Variants in EVL observed in about 807,000 individuals in gnomAD.
EVL encodes Enah/Vasp-like, also known as ena/VASP-like protein.
In EVL, 21 loss-of-function variants were observed where a neutral mutation model predicts 59.6. The observed-to-expected ratio is 0.35, with a 90% confidence interval of 0.25 to 0.51. The LOEUF (loss-of-function observed/expected upper bound fraction) is 0.51, where lower values mean the gene tolerates loss of function less well. Among genes scored for constraint, EVL ranks in the 20% least tolerant of loss-of-function variants. EVL has a pLI of 0.97. For synonymous variants in EVL, 198 were observed against 203.5 expected (o/e 0.97, Z 0.23); for missense variants, 462 against 546.6 (o/e 0.85, Z 1.54).
At chr14:100,137,277 T>G in intron 9 of EVL, 5 of 444,720 alleles carry the variant, frequency 1.1e-5, no homozygotes, top group Middle Eastern at 6.2e-4. Context: ...TCCGGGGAGG[T>G]CGTGCTTGCT....
intron 11 of EVL, chr14:100,140,124 G>A (rs1340796000): frequency 1.3e-5 from 2 of 151,488 alleles, no homozygotes; most frequent in East Asian, 4.1e-4. Flanking sequence ...AAGGGCACAT[G>A]TCTGTAGTCC....
At position 100,116,786 on chromosome 14, in the gene EVL, G is replaced by A. The variant is rs117156006; in HGVS notation, c.359-6753G>A. Among the ~76,000 whole-genome samples the A allele has an allele frequency of 2.9e-3, 441 of 152,334 alleles. 2 individuals carry two copies. Among genetic ancestry groups the A allele is most frequent in the Non-Finnish European group, 3.1e-3 (208 of 68,026 alleles). ...GAGGAATATAAGCCCACAATCCCGA[G>A]ATAGCCACTGTGAACATTTTAGTAT... On this transcript the variant is annotated intron_variant, in intron 3 of 13. Transcript: ENST00000392920.
At chr14:100,088,323 G>T (rs1192606302) in intron 2 of EVL, among the ~76,000 whole-genome samples, 1 of 152,096 alleles carries the variant, frequency 6.6e-6, no homozygotes. Context: ...TTTTGTAGAG[G>T]ACTCTTGACT....
At chr14:100,026,881 A>G (rs188141357) in intron 1 of EVL, among the ~76,000 whole-genome samples, 21 of 152,252 alleles carry the variant, frequency 1.4e-4, no homozygotes, top group African/African-American at 3.6e-4. Context: ...TCTGTCTTGG[A>G]TCCCCGGGGC....
At chr14:100,036,960 G>A (rs1020285589) in intron 1 of EVL, among the ~76,000 whole-genome samples, 4 of 152,190 alleles carry the variant, frequency 2.6e-5, no homozygotes, top group African/African-American at 9.7e-5. Context: ...CATGAGGGAT[G>A]CTCATGCTCA....
intron 2 of EVL, 187 bp downstream of exon 2, chr14:100,085,042 T>G (rs935431997): frequency 7.0e-6 from 4 of 567,788 alleles, no homozygotes; most frequent in African/African-American, 1.9e-5. Flanking sequence ...GCACACTGTT[T>G]CCTGGATTTC....
intron 1 of EVL, among the ~76,000 whole-genome samples, chr14:99,985,379 C>T (rs1249703511): frequency 6.6e-6 from 1 of 152,044 alleles, no homozygotes; most frequent in Non-Finnish European, 1.5e-5. Context: ...GGTTCTTCAC[C>T]TTTGTACTTC....
chr14:100,134,220 C>T (rs1278046829), intron 8 of EVL, among the ~76,000 whole-genome samples: 1 of 152,222 alleles, frequency 6.6e-6, no homozygotes, highest in African/African-American at 2.4e-5. Flanking sequence ...TAATCACAGA[C>T]ATCAAAATAC....
At position 100,095,250 on chromosome 14, in the gene EVL, T is replaced by A. The variant is rs542600579; in HGVS notation, c.181-2231T>A. Among the ~76,000 whole-genome samples, 34 of 152,328 alleles carry A rather than the reference T, an allele frequency of 2.2e-4. No homozygotes were observed. The East Asian group carries it at 5.0e-3, about 22-fold the overall frequency. On this transcript the variant is annotated intron_variant, in intron 2 of 13. Coordinates refer to ENST00000392920, the MANE Select transcript of EVL (RefSeq NM_016337.3). ...AGGTGGTTTCAAGACCTTCTTCAAT[T>A]TTTAAAGCATTTTCCTCTGGCTTGC...
At chr14:100,050,498 C>T (rs1390373119) in intron 1 of EVL, among the ~76,000 whole-genome samples, 4 of 151,708 alleles carry the variant, frequency 2.6e-5, no homozygotes, top group African/African-American at 7.3e-5. Context: ...TACAGGTGCC[C>T]GCCATCGCAC....
intron 1 of EVL, among the ~76,000 whole-genome samples, chr14:100,082,522 G>T (rs1284282998): frequency 1.3e-5 from 2 of 152,164 alleles, no homozygotes; most frequent in South Asian, 2.1e-4. Flanking sequence ...ACAAGGAGGG[G>T]TTGTCTAAAT....
At chr14:100,039,323 G>A (rs1432337002) in intron 1 of EVL, among the ~76,000 whole-genome samples, 7 of 152,114 alleles carry the variant, frequency 4.6e-5, no homozygotes, top group African/African-American at 1.7e-4. Context: ...TGCAACTTCC[G>A]CCTCCCAGAT....
intron 1 of EVL, among the ~76,000 whole-genome samples, chr14:100,069,031 C>G (rs145173539): frequency 8.5e-5 from 13 of 152,284 alleles, no homozygotes; most frequent in African/African-American, 2.9e-4. Flanking sequence ...CTTACTTGTT[C>G]TACTGTATAC....
chr14:99,995,413 T>G (rs953859172), intron 1 of EVL, among the ~76,000 whole-genome samples: 1 of 152,220 alleles, frequency 6.6e-6, no homozygotes, highest in African/African-American at 2.4e-5. Flanking sequence ...TTAAGTGCTT[T>G]TGAACCCCTC....
intron 6 of EVL, 120 bp from the exon 7 acceptor site, chr14:100,129,443 C>CT: frequency 1.4e-6 from 2 of 1,444,006 alleles, no homozygotes; most frequent in Non-Finnish European, 1.9e-6. Flanking sequence ...CCTGAGGCCC[C>CT]TTGCAGTGCT....
At chr14:100,052,063 G>A (rs897335121) in intron 1 of EVL, among the ~76,000 whole-genome samples, 7 of 152,172 alleles carry the variant, frequency 4.6e-5, no homozygotes, top group African/African-American at 1.4e-4. Context: ...AAAAAATAAC[G>A]GAAGGGCAGG....
chr14:100,128,583 T>TACCC lies in EVL; in HGVS notation c.552_553insACCC (p.Pro185ThrfsTer114). The stretch of plus-strand genomic sequence containing the variant: ...GCGCCCCCGTCTCATGTAGTGGGCC[T>TACCC]CCACCGCCCCCCCCACCCCCAGTCC... On this transcript the variant is annotated frameshift_variant, in exon 6 of 14. Transcript: ENST00000392920. LOFTEE classifies it high-confidence loss of function. 1.9e-6 allele frequency: 3 copies of TACCC among 1,579,756 alleles called. No individual in the cohort carries two copies. Among genetic ancestry groups the TACCC allele is most frequent in the Non-Finnish European group, 1.7e-6 (2 of 1,155,628 alleles).
chr14:99,999,847 CT>C (rs2060935111), intron 1 of EVL, among the ~76,000 whole-genome samples: 1 of 152,180 alleles, frequency 6.6e-6, no homozygotes, highest in African/African-American at 2.4e-5. Flanking sequence ...AACAGATGCC[CT>C]CAGGGCAAAA....
At chr14:100,077,765 G>GT (rs1206948402) in intron 1 of EVL, among the ~76,000 whole-genome samples, 4 of 152,086 alleles carry the variant, frequency 2.6e-5, no homozygotes, top group Admixed American at 1.3e-4. Flanking sequence ...AGTGCATACA[G>GT]TTTTTTTGTT....
Sources: allele counts gnomAD v4.1 joint callset (sites outside exome capture counted in the v4.1 genomes callset), GRCh38; gene constraint gnomAD v4.1.1; transcripts MANE v1.5; gene names NCBI Gene and HGNC (gene_info 2026-07-23, HGNC 2026-07-21).